TXNRD2: variants seen among roughly 807,000 people sequenced by gnomAD.
The protein encoded by TXNRD2 is thioredoxin reductase 2.
TXNRD2 carries 67 observed loss-of-function variants against 70.8 expected under a neutral mutation model. The ratio of observed to expected loss-of-function variants is 0.95; its 90% CI spans 0.78 to 1.16. The LOEUF (loss-of-function observed/expected upper bound fraction) is 1.16, where lower values mean the gene tolerates loss of function less well. Among genes scored for constraint, TXNRD2 ranks in the 50% most tolerant of loss-of-function variants. The pLI is 0.00. For synonymous variants in TXNRD2, 301 were observed against 295.8 expected (o/e 1.02, Z -0.18); for missense variants, 644 against 719.9 (o/e 0.89, Z 1.21).
intron 4 of TXNRD2, among the ~76,000 whole-genome samples, 164 bp from the exon 5 acceptor site, chr22:19,918,381 T>C (rs1197729682): frequency 6.6e-6 from 1 of 152,266 alleles, no homozygotes; most frequent in African/African-American, 2.4e-5. Context: ...TGCAACCGCC[T>C]GTCCCAGGCT....
chr22:19,884,773 T>C (rs1039820604), intron 11 of TXNRD2, among the ~76,000 whole-genome samples: 5 of 152,208 alleles, frequency 3.3e-5, no homozygotes, highest in Non-Finnish European at 5.9e-5. Flanking sequence ...CTTGAAGGTC[T>C]CTCCCCATTA....
intron 2 of TXNRD2, among the ~76,000 whole-genome samples, chr22:19,923,396 G>C (rs760504351): frequency 1.7e-4 from 26 of 152,228 alleles, no homozygotes; most frequent in Non-Finnish European, 2.9e-4. Context: ...CTCCCAGTAG[G>C]AAGTCTGAGG....
At chr22:19,907,264 T>A (rs1181352265) in intron 8 of TXNRD2, among the ~76,000 whole-genome samples, 1 of 49,638 alleles carries the variant, frequency 2.0e-5, no homozygotes, top group Non-Finnish European at 3.8e-5. Flanking sequence ...GCGCCGTGGG[T>A]AGCAGTGACC....
chr22:19,896,615 G>C (rs986823862), intron 10 of TXNRD2, among the ~76,000 whole-genome samples: 2 of 152,210 alleles, frequency 1.3e-5, no homozygotes, highest in Non-Finnish European at 2.9e-5. Context: ...TCTCCCTCCC[G>C]GCCCAGGAGG....
chr22:19,905,582 G>A (rs1850062940), intron 8 of TXNRD2, among the ~76,000 whole-genome samples: 1 of 152,136 alleles, frequency 6.6e-6, no homozygotes, highest in African/African-American at 2.4e-5. Context: ...AAAGTGCTGG[G>A]CTGCAGTGAC....
intron 8 of TXNRD2, among the ~76,000 whole-genome samples, chr22:19,909,872 ACT>A (rs1474203059): frequency 0.049 from 1,240 of 25,198 alleles, 39 homozygotes; most frequent in South Asian, 0.13. Flanking sequence ...CACACACACC[ACT>A]CACACACACC....
At chr22:19,930,552 C>A (rs758764583) in intron 2 of TXNRD2, among the ~76,000 whole-genome samples, 1 of 152,098 alleles carries the variant, frequency 6.6e-6, no homozygotes. Context: ...GCAGAACTGA[C>A]CATGGACCCT....
At chr22:19,881,377 C>T (rs2145934742) in intron 12 of TXNRD2, 1 of 303,118 alleles carries the variant, frequency 3.3e-6, no homozygotes, top group South Asian at 1.6e-4. Context: ...TCCAGCAGGC[C>T]TGACTAACTA....
chr22:19,909,819 ACAC>A (rs1259192870), intron 8 of TXNRD2, among the ~76,000 whole-genome samples: 1 of 69,746 alleles, frequency 1.4e-5, no homozygotes, highest in Non-Finnish European at 2.7e-5. Context: ...ACTCACACAC[ACAC>A]CACACACCAC....
intron 11 of TXNRD2, among the ~76,000 whole-genome samples, chr22:19,890,600 G>A (rs1029685476): frequency 5.3e-5 from 8 of 152,042 alleles, no homozygotes; most frequent in Non-Finnish European, 7.4e-5. Flanking sequence ...CACACCCACC[G>A]CGGCCCCTAA....
At chr22:19,933,563 T>C in intron 1 of TXNRD2, 1 of 1,255,792 alleles carries the variant, frequency 8.0e-7, no homozygotes, top group Non-Finnish European at 1.0e-6. Context: ...TGTATGGATG[T>C]GCTTATCTTG....
At chr22:19,900,517 G>A (rs890143900) in intron 8 of TXNRD2, among the ~76,000 whole-genome samples, 5 of 152,274 alleles carry the variant, frequency 3.3e-5, no homozygotes, top group African/African-American at 7.2e-5. Context: ...TTGGGAGGCC[G>A]AAGCAGGCAG....
At chr22:19,904,340 T>C (rs1295835798) in intron 8 of TXNRD2, among the ~76,000 whole-genome samples, 1 of 152,240 alleles carries the variant, frequency 6.6e-6, no homozygotes, top group Non-Finnish European at 1.5e-5. Context: ...TATGGCTGTT[T>C]AGTGAAGTGC....
intron 1 of TXNRD2, among the ~76,000 whole-genome samples, chr22:19,941,017 G>A (rs139265950): frequency 2.4e-4 from 36 of 152,276 alleles, no homozygotes; most frequent in African/African-American, 8.2e-4. Flanking sequence ...ACTGCCTGTG[G>A]GGAGAGCTGC....
intron 1 of TXNRD2, chr22:19,932,384 C>T (rs1941400033): frequency 1.9e-6 from 3 of 1,612,614 alleles, no homozygotes; most frequent in Non-Finnish European, 2.5e-6. Flanking sequence ...GCTCACTGCA[C>T]ATAGTGCCAC....
At chr22:19,918,791 A>G in intron 4 of TXNRD2, 69 bp downstream of exon 4, 1 of 1,583,396 alleles carries the variant, frequency 6.3e-7, no homozygotes, top group South Asian at 1.1e-5. Flanking sequence ...ATCGAGGATA[A>G]GCCTCCTCTT....
chr22:19,878,972 T>A (rs911309940), intron 14 of TXNRD2, among the ~76,000 whole-genome samples: 1 of 152,004 alleles, frequency 6.6e-6, no homozygotes, highest in Admixed American at 6.6e-5. Context: ...AAAAAATGAG[T>A]GGGGCCCTCA....
chr22:19,934,177 T>C (rs1941461121), intron 1 of TXNRD2, among the ~76,000 whole-genome samples: 1 of 152,086 alleles, frequency 6.6e-6, no homozygotes, highest in South Asian at 2.1e-4. Context: ...CTGGCTCCTG[T>C]TCAGGGGCTG....
chr22:19,886,946 G>A (rs774388340), intron 11 of TXNRD2, among the ~76,000 whole-genome samples: 2 of 152,306 alleles, frequency 1.3e-5, no homozygotes, highest in Admixed American at 6.5e-5. Context: ...AAGGAAGGGC[G>A]GCCAGCTGAG....
Sources: gnomAD v4.1 joint callset for allele counts (sites outside exome capture counted in the v4.1 genomes callset) on GRCh38, gnomAD v4.1.1 for gene constraint, MANE v1.5 for transcripts, NCBI Gene and HGNC (gene_info 2026-07-23, HGNC 2026-07-21) for gene names.